Variants in RBFOX1 observed in about 807,000 individuals in gnomAD.
The protein encoded by RBFOX1 is RNA binding fox-1 homolog 1, also known as RNA binding protein fox-1 homolog 1.
Under a neutral mutation model 57.7 loss-of-function variants are expected in RBFOX1, and 8 were observed. The ratio of observed to expected loss-of-function variants is 0.14; its 90% CI spans 0.08 to 0.25. RBFOX1 has a LOEUF of 0.25. RBFOX1 is among the 10% of genes least tolerant of loss of function. The probability of loss-of-function intolerance (pLI) is 1.00; values close to 1 mark genes in which losing one functional copy is unlikely to be tolerated. For missense variants in RBFOX1, 611 were observed against 548.5 expected (o/e 1.11, Z -1.14); for synonymous variants, 326 against 222.4 (o/e 1.47, Z -4.15).
chr16:7,206,618 A>C (rs2090034665), intron 4 of RBFOX1, among the ~76,000 whole-genome samples: 1 of 152,166 alleles, frequency 6.6e-6, no homozygotes, highest in South Asian at 2.1e-4. Context: ...ACTCAAGTTG[A>C]AGTGCTAAGA....
chr16:7,687,295 G>A (rs931537931), intron 14 of RBFOX1, among the ~76,000 whole-genome samples: 1 of 152,032 alleles, frequency 6.6e-6, no homozygotes, highest in Admixed American at 6.6e-5. Context: ...ATGTGGAAAG[G>A]AGGTAAAATA....
chr16:7,251,460 G>C (rs1211853610), intron 4 of RBFOX1, among the ~76,000 whole-genome samples: 3 of 147,750 alleles, frequency 2.0e-5, no homozygotes, highest in South Asian at 2.1e-4. Flanking sequence ...GCCCAGGCTG[G>C]AGTGCAGTGG....
intron 13 of RBFOX1, among the ~76,000 whole-genome samples, chr16:7,670,424 G>C (rs1231822950): frequency 6.6e-6 from 1 of 152,190 alleles, no homozygotes; most frequent in Non-Finnish European, 1.5e-5. Flanking sequence ...TGACTACTGA[G>C]TTTAATGCTG....
At chr16:5,534,715 C>A (rs971758139) in intron 2 of RBFOX1, among the ~76,000 whole-genome samples, 1 of 152,182 alleles carries the variant, frequency 6.6e-6, no homozygotes, top group Non-Finnish European at 1.5e-5. Context: ...CACGTGTTAA[C>A]CTTCCCTGGG....
At chr16:5,968,815 T>A (rs1443311209) in intron 4 of RBFOX1, among the ~76,000 whole-genome samples, 2 of 152,144 alleles carry the variant, frequency 1.3e-5, no homozygotes, top group East Asian at 3.8e-4. Flanking sequence ...TGTTTTCTCT[T>A]TCTTTTTCAA....
At chr16:5,275,963 G>A (rs1470955989) in intron 1 of RBFOX1, among the ~76,000 whole-genome samples, 1 of 152,172 alleles carries the variant, frequency 6.6e-6, no homozygotes, top group Non-Finnish European at 1.5e-5. Flanking sequence ...AAATAGTGCT[G>A]GGATAATTGG....
chr16:6,748,851 G>A (rs985894513), intron 3 of RBFOX1: 1 of 152,102 alleles, frequency 6.6e-6, no homozygotes, highest in Non-Finnish European at 1.5e-5. Context: ...TAGAATTTCA[G>A]CAATGAGCAA....
intron 4 of RBFOX1, among the ~76,000 whole-genome samples, chr16:7,313,269 C>G (rs371179893): frequency 1.3e-5 from 2 of 152,120 alleles, no homozygotes; most frequent in Non-Finnish European, 2.9e-5. Context: ...TTTGTTTGCT[C>G]TCTTTCTTTC....
intron 3 of RBFOX1, among the ~76,000 whole-genome samples, chr16:5,718,776 G>C (rs751900121): frequency 6.6e-6 from 1 of 152,106 alleles, no homozygotes; most frequent in Admixed American, 6.5e-5. Flanking sequence ...GGGCATAGTC[G>C]TGGGTACCTG....
At chr16:6,699,565 G>C (rs9806855) in intron 3 of RBFOX1, among the ~76,000 whole-genome samples, 1 of 152,152 alleles carries the variant, frequency 6.6e-6, no homozygotes, top group Admixed American at 6.5e-5. Context: ...ACACCAAAGC[G>C]AGTGATATGT....
At chr16:6,549,395 GGGAGGAGGAGGAGGGA>G (rs1431536901) in intron 2 of RBFOX1, among the ~76,000 whole-genome samples, 3 of 7,338 alleles carry the variant, frequency 4.1e-4, no homozygotes, top group East Asian at 8.9e-3. Context: ...GGACGAGGGA[GGGAGGAGGAGGAGGGA>G]GGAGGAGGAG....
At chr16:7,518,689 T>TC (rs2076910619) in intron 5 of RBFOX1, among the ~76,000 whole-genome samples, 1 of 151,618 alleles carries the variant, frequency 6.6e-6, no homozygotes, top group Non-Finnish European at 1.5e-5. Flanking sequence ...AATCTCATTT[T>TC]TTTGGAAAAA....
intron 3 of RBFOX1, among the ~76,000 whole-genome samples, chr16:6,693,094 TCA>T (rs2060464809): frequency 2.2e-5 from 1 of 45,756 alleles, no homozygotes; most frequent in East Asian, 3.8e-4. Flanking sequence ...ATCACAACCA[TCA>T]TCATCATCCT....
At chr16:6,621,809 C>T (rs1260701472) in intron 2 of RBFOX1, among the ~76,000 whole-genome samples, 1 of 152,092 alleles carries the variant, frequency 6.6e-6, no homozygotes, top group Admixed American at 6.5e-5. Context: ...AAAGAACATA[C>T]CATTTAAAGA....
At chr16:5,274,245 G>A (rs559160376) in intron 1 of RBFOX1, among the ~76,000 whole-genome samples, 266 of 152,274 alleles carry the variant, frequency 1.7e-3, no homozygotes, top group Middle Eastern at 0.01. Flanking sequence ...AGTGAGTTAG[G>A]TGTTCAGGTG....
At chr16:7,380,933 G>A (rs1459065978) in intron 4 of RBFOX1, among the ~76,000 whole-genome samples, 1 of 152,212 alleles carries the variant, frequency 6.6e-6, no homozygotes, top group Non-Finnish European at 1.5e-5. Flanking sequence ...GGGGAAAATG[G>A]AGAGAAAGAA....
intron 2 of RBFOX1, among the ~76,000 whole-genome samples, chr16:6,455,411 C>T (rs1263806706): frequency 6.6e-6 from 1 of 152,142 alleles, no homozygotes; most frequent in East Asian, 1.9e-4. Flanking sequence ...AGAGAGAAGG[C>T]ATTTCCTCTA....
At chr16:6,507,618 C>A (rs758100169) in intron 2 of RBFOX1, among the ~76,000 whole-genome samples, 2 of 151,834 alleles carry the variant, frequency 1.3e-5, no homozygotes, top group African/African-American at 4.8e-5. Context: ...CTGCAGTGAG[C>A]TGTGATTGCA....
At chr16:7,440,057 T>A (rs1423318262) in intron 4 of RBFOX1, among the ~76,000 whole-genome samples, 2 of 150,384 alleles carry the variant, frequency 1.3e-5, no homozygotes, top group Non-Finnish European at 3.0e-5. Context: ...GTTCAGGTGA[T>A]CCTCCCACCT....
Sources: gnomAD v4.1 joint callset for allele counts (sites outside exome capture counted in the v4.1 genomes callset) on GRCh38, gnomAD v4.1.1 for gene constraint, MANE v1.5 for transcripts, NCBI Gene and HGNC (gene_info 2026-07-23, HGNC 2026-07-21) for gene names.